BDKRB1: variants seen among roughly 807,000 people sequenced by gnomAD.
BDKRB1 encodes the protein bradykinin receptor B1, also known as B1 bradykinin receptor.
For missense variants in BDKRB1, 414 were observed against 441.4 expected (o/e 0.94, Z 0.56); for synonymous variants, 192 against 189.1 (o/e 1.02, Z -0.13).
chr14:96,264,667 C>T lies in BDKRB1; in HGVS notation c.985C>T (p.Gln329Ter). 6.2e-7 allele frequency: 1 copy of T among 1,614,196 alleles called. No homozygotes were observed. Among genetic ancestry groups the T allele is most frequent in the Non-Finnish European group, 8.5e-7 (1 of 1,180,032 alleles). The part of the protein sequence containing the change: ...FRTKVWELYK[Q>*]CTPKSLAPIS... ...GACCAAGGTCTGGGAACTTTATAAA[C>T]AATGCACCCCTAAAAGTCTTGCTCC... The change falls in exon 3 of 3, where the codon CAA becomes TAA. Residue 329 changes from glutamine (Q) to a stop codon, truncating the protein, a stop_gained. Transcript: ENST00000216629. LOFTEE classifies it low-confidence loss of function (END_TRUNC).
intron 1 of BDKRB1, among the ~76,000 whole-genome samples, chr14:96,256,948 C>T (rs1433605301): frequency 1.3e-5 from 2 of 152,250 alleles, no homozygotes; most frequent in Non-Finnish European, 2.9e-5. Flanking sequence ...CTCTTGTAGA[C>T]TTGCCCAGTG....
chr14:96,264,051 C>T lies in BDKRB1; in HGVS notation c.369C>T (p.Ile123=). The T allele has an allele frequency of 6.2e-7, 1 of 1,613,172 alleles. No individual in the cohort carries two copies. The highest frequency in any genetic ancestry group is 8.5e-7 in the Non-Finnish European group (1 of 1,179,508). The change falls in exon 3 of 3, where the codon ATC becomes ATT. Residue 123 remains isoleucine, a synonymous_variant. Coordinates refer to ENST00000216629, the MANE Select transcript of BDKRB1 (RefSeq NM_000710.4). ...GGGTCATCAAGGCCAATTTGTTCAT[C>T]AGCATCTTCCTGGTGGTGGCCATCA... ...INGVIKANLF[I]SIFLVVAISQ...
intron 1 of BDKRB1, among the ~76,000 whole-genome samples, chr14:96,261,969 T>G (rs1182197731): frequency 6.6e-6 from 1 of 152,212 alleles, no homozygotes; most frequent in Non-Finnish European, 1.5e-5. Context: ...AGACAGAGCT[T>G]TCTATCCCTC....
At position 96,263,763 on chromosome 14, in the gene BDKRB1, CAA is replaced by C; in HGVS notation, c.82_83del (p.Asn28CysfsTer55). 1 of 1,614,208 alleles carries C rather than the reference CAA, an allele frequency of 6.2e-7. No individual in the cohort carries two copies. The highest frequency in any genetic ancestry group is 8.5e-7 in the Non-Finnish European group (1 of 1,180,036). On this transcript the variant is annotated frameshift_variant, in exon 3 of 3. Coordinates refer to ENST00000216629, the MANE Select transcript of BDKRB1 (RefSeq NM_000710.4). LOFTEE classifies it low-confidence loss of function (END_TRUNC). ...LFPQNATACDNAPEAWDLLHR... is the reference protein window; with the variant it reads ...LFPQNATACDXAPEAWDLLHR... The stretch of plus-strand genomic sequence containing the variant: ...TCCCTCAAAATGCTACGGCCTGTGA[CAA>C]TGCTCCAGAAGCCTGGGACCTGCTG...
chr14:96,264,308 T>C lies in BDKRB1; in HGVS notation c.626T>C (p.Leu209Pro). The change falls in exon 3 of 3, where the codon CTG becomes CCG. Residue 209 changes from leucine to proline, a missense_variant. Leu to Pro is a moderately conservative substitution (Grantham distance 98). Transcript: ENST00000216629. The part of the protein sequence containing the change: ...HFARIVELNI[L>P]GFLLPLAAIV... The stretch of plus-strand genomic sequence containing the variant: ...GCAAGGATTGTGGAGTTAAATATTC[T>C]GGGTTTCCTCCTACCACTGGCTGCG... 1 of 1,614,198 alleles carries C rather than the reference T, an allele frequency of 6.2e-7. No individual in the cohort carries two copies. Among genetic ancestry groups the C allele is most frequent in the Non-Finnish European group, 8.5e-7 (1 of 1,180,038 alleles).
intron 1 of BDKRB1, among the ~76,000 whole-genome samples, chr14:96,262,180 C>T (rs141262727): frequency 2.0e-5 from 3 of 152,330 alleles, no homozygotes; most frequent in Admixed American, 6.5e-5. Flanking sequence ...AGGTTCCTGG[C>T]GTAGCACTGT....
At chr14:96,263,582 CT>C in intron 2 of BDKRB1, 90 bp from the exon 3 acceptor site, 1 of 1,379,460 alleles carries the variant, frequency 7.2e-7, no homozygotes, top group Non-Finnish European at 9.7e-7. Flanking sequence ...GCCAATAAAA[CT>C]TTATTGTCCA....
rs1345454198 is a variant in BDKRB1 at position 96,256,262 on chromosome 14, A to G, written c.-168A>G. The G allele has an allele frequency of 6.6e-6, 1 of 152,072 alleles. No homozygotes were observed. The highest frequency in any genetic ancestry group is 6.6e-5 in the Admixed American group (1 of 15,264). 9.4% of individuals were successfully genotyped at this position (152,072 alleles called of 1,614,324 possible). On this transcript the variant is annotated 5_prime_UTR_variant, in exon 1 of 3. Transcript: ENST00000216629. ...CAAAAGCAGCTCTCACTATCAGAAA[A>G]CCCAACTACAGTTGTGAACGCCTTC... is the stretch of plus-strand genomic sequence containing the variant.
chr14:96,258,330 G>C (rs1431905920), intron 1 of BDKRB1, among the ~76,000 whole-genome samples: 1 of 151,926 alleles, frequency 6.6e-6, no homozygotes, highest in African/African-American at 2.4e-5. Context: ...CCATATAATT[G>C]CCTGAAATCT....
At chr14:96,260,456 C>G (rs1366884557) in intron 1 of BDKRB1, among the ~76,000 whole-genome samples, 1 of 152,238 alleles carries the variant, frequency 6.6e-6, no homozygotes. Context: ...GCTATCTGCT[C>G]ATCAACAACT....
At position 96,262,606 on chromosome 14, in the gene BDKRB1, C is replaced by CTTTTTTTTTTTTTTTTTTTTTTTTT. The variant is rs34474132; in HGVS notation, c.-129-26_-129-25insTTTTTTTTTTTTTTTTTTTTTTTTT. ...TTTTTCTTTTCTCTCTCTCTCTCTC[C>CTTTTTTTTTTTTTTTTTTTTTTTTT]TTTTTTTTTTTTTTTTTTTTGTTGT... is the stretch of plus-strand genomic sequence containing the variant. On this transcript the variant is annotated intron_variant, in intron 1 of 2. Coordinates refer to ENST00000216629, the MANE Select transcript of BDKRB1 (RefSeq NM_000710.4). 40 of 311,224 alleles carry CTTTTTTTTTTTTTTTTTTTTTTTTT rather than the reference C, an allele frequency of 1.3e-4. 1 individual carries two copies. The highest frequency in any genetic ancestry group is 2.5e-4 in the South Asian group (12 of 47,340). The allele number at this position is 311,224 out of a possible 1,614,324, so 19.3% of individuals were successfully genotyped here. A position where few individuals can be genotyped will look rare whatever the true frequency, so the allele number is the denominator to read the frequency against.
intron 1 of BDKRB1, among the ~76,000 whole-genome samples, chr14:96,261,047 C>T (rs566900954): frequency 6.6e-6 from 1 of 152,296 alleles, no homozygotes; most frequent in Admixed American, 6.5e-5. Context: ...ATGACAACTT[C>T]ATACTTCCCA....
intron 1 of BDKRB1, among the ~76,000 whole-genome samples, chr14:96,259,178 T>G (rs1264506889): frequency 1.3e-5 from 2 of 152,228 alleles, no homozygotes; most frequent in Non-Finnish European, 2.9e-5. Context: ...ATTGAATAAC[T>G]TGACTAAATA....
rs199593374 is a variant in BDKRB1, at chr14:96,264,759, A to G, written c.*15A>G. ...GGCGGAATTAAAACAGCATTGAACCAAGAAGCTTGGCTTTCTTATCAATTC... is the reference window on the plus strand; with the variant it reads ...GGCGGAATTAAAACAGCATTGAACCGAGAAGCTTGGCTTTCTTATCAATTC... On this transcript the variant is annotated 3_prime_UTR_variant, in exon 3 of 3. Coordinates refer to ENST00000216629, the MANE Select transcript of BDKRB1 (RefSeq NM_000710.4). The G allele has an allele frequency of 4.4e-5, 70 of 1,586,116 alleles. No homozygotes were observed. The highest frequency in any genetic ancestry group is 5.5e-5 in the African/African-American group (4 of 73,238).
chr14:96,259,079 C>T (rs949572131), intron 1 of BDKRB1, among the ~76,000 whole-genome samples: 2 of 152,164 alleles, frequency 1.3e-5, no homozygotes, highest in African/African-American at 4.8e-5. Context: ...TTTTCTGATA[C>T]ATTTTATAAT....
intron 1 of BDKRB1, among the ~76,000 whole-genome samples, chr14:96,261,783 C>T (rs1361272609): frequency 2.0e-5 from 3 of 152,230 alleles, no homozygotes; most frequent in African/African-American, 7.2e-5. Flanking sequence ...TTGTCTGGAG[C>T]CGCATAAATC....
chr14:96,264,049 A>G lies in BDKRB1; in HGVS notation c.367A>G (p.Ile123Val), dbSNP rs770465859. The G allele has an allele frequency of 6.2e-7, 1 of 1,613,492 alleles. No homozygotes were observed. The highest frequency in any genetic ancestry group is 8.5e-7 in the Non-Finnish European group (1 of 1,179,688). Residue 123 changes from isoleucine to valine, a missense_variant, in exon 3 of 3, where the codon ATC becomes GTC. By Grantham distance (29) the Ile-to-Val change is conservative. Transcript: ENST00000216629. Reference sequence around the variant, plus strand: ...CGGGGTCATCAAGGCCAATTTGTTCATCAGCATCTTCCTGGTGGTGGCCAT... The same window carrying G: ...CGGGGTCATCAAGGCCAATTTGTTCGTCAGCATCTTCCTGGTGGTGGCCAT... ...INGVIKANLFISIFLVVAISQ... is the reference protein window; with the variant it reads ...INGVIKANLFVSIFLVVAISQ...
At position 96,263,928 on chromosome 14, in the gene BDKRB1, T is replaced by C; in HGVS notation, c.246T>C (p.Ser82=). Residue 82 remains serine, a synonymous_variant, in exon 3 of 3, where the codon TCT becomes TCC. Coordinates refer to ENST00000216629, the MANE Select transcript of BDKRB1 (RefSeq NM_000710.4). ...AEIYLANLAA[S]DLVFVLGLPF... ...TCTACCTGGCCAACCTGGCAGCCTCTGATCTGGTGTTTGTCTTGGGCTTGC... is the reference window on the plus strand; with the variant it reads ...TCTACCTGGCCAACCTGGCAGCCTCCGATCTGGTGTTTGTCTTGGGCTTGC... The C allele has an allele frequency of 1.9e-6, 3 of 1,614,268 alleles. No individual in the cohort carries two copies. Among genetic ancestry groups the C allele is most frequent in the Non-Finnish European group, 2.5e-6 (3 of 1,180,046 alleles).
At chr14:96,259,285 C>T (rs1215934842) in intron 1 of BDKRB1, 1 of 129,090 alleles carries the variant, frequency 7.7e-6, no homozygotes, top group Admixed American at 7.2e-5. Flanking sequence ...TCAATGTCCA[C>T]TAAAATTGAT....
Sources: allele counts gnomAD v4.1 joint callset (sites outside exome capture counted in the v4.1 genomes callset), GRCh38; gene constraint gnomAD v4.1.1; transcripts MANE v1.5; gene names NCBI Gene and HGNC (gene_info 2026-07-23, HGNC 2026-07-21).